IGF2R: variants seen among roughly 807,000 people sequenced by gnomAD.
IGF2R encodes cation-independent mannose-6-phosphate receptor.
A neutral mutation model predicts 270.6 loss-of-function variants in IGF2R; 91 were observed. The observed-to-expected ratio is 0.34, with a 90% CI of 0.28 to 0.40. The LOEUF (loss-of-function observed/expected upper bound fraction) is 0.40, where lower values mean the gene tolerates loss of function less well. Ranked by LOEUF, IGF2R falls within the 10% of genes least tolerant of loss-of-function variation. The probability of loss-of-function intolerance (pLI) is 1.00; values close to 1 mark genes in which losing one functional copy is unlikely to be tolerated. For missense variants in IGF2R, 2,805 were observed against 3,188.3 expected (o/e 0.88, Z 2.90); for synonymous variants, 1,316 against 1,258.9 (o/e 1.05, Z -0.96).
chr6:160,062,168 A>ATTTTTTTT (rs34356477), intron 25 of IGF2R, among the ~76,000 whole-genome samples: 3 of 106,616 alleles, frequency 2.8e-5, no homozygotes, highest in African/African-American at 3.7e-5. Flanking sequence ...CATTTATTTA[A>ATTTTTTTT]TTTTTTTTTT....
intron 1 of IGF2R, among the ~76,000 whole-genome samples, chr6:159,990,353 G>C (rs566226260): frequency 6.6e-6 from 1 of 152,122 alleles, no homozygotes; most frequent in South Asian, 2.1e-4. Context: ...TGCTGTTCTC[G>C]TGGTCATGAG....
At chr6:160,097,626 G>A (rs1416489944) in intron 45 of IGF2R, among the ~76,000 whole-genome samples, 1 of 152,172 alleles carries the variant, frequency 6.6e-6, no homozygotes, top group Non-Finnish European at 1.5e-5. Flanking sequence ...TGCCATGCCC[G>A]GCCTGGCCCA....
intron 1 of IGF2R, among the ~76,000 whole-genome samples, chr6:159,990,627 T>C (rs543038943): frequency 2.0e-5 from 3 of 152,134 alleles, no homozygotes; most frequent in African/African-American, 7.2e-5. Context: ...TGGTAAGATA[T>C]TTCTTTTTTT....
chr6:160,109,823 C>T lies in IGF2R; in HGVS notation c.*4739C>T, dbSNP rs933034739. 6.6e-6 allele frequency: 1 copy of T among 152,208 alleles called. No homozygotes were observed. The highest frequency in any genetic ancestry group is 1.5e-5 in the Non-Finnish European group (1 of 68,040). 9.4% of individuals were successfully genotyped at this position (152,208 alleles called of 1,614,324 possible). A position where few individuals can be genotyped will look rare whatever the true frequency, so the allele number is the denominator to read the frequency against. On this transcript the variant is annotated 3_prime_UTR_variant, in exon 48 of 48. Coordinates refer to ENST00000356956, the MANE Select transcript of IGF2R (RefSeq NM_000876.4). ...TGCCCCACCCAGCGGCTTTAGGACT[C>T]AGCTCTTCAGGAACAATTAGGGAGA...
rs138144909 is a variant in IGF2R, at chr6:160,063,532, G to A, written c.3788G>A (p.Gly1263Glu). The A allele has an allele frequency of 1.1e-4, 176 of 1,614,212 alleles. No homozygotes were observed. Among genetic ancestry groups the A allele is most frequent in the Non-Finnish European group, 1.4e-4 (161 of 1,180,038 alleles). The change falls in exon 27 of 48, where the codon GGG becomes GAG. Residue 1263 changes from glycine (G) to glutamate (E), a missense_variant. Around this residue, in one of 2 missense-constraint regions of IGF2R, gnomAD observed 1,851 missense variants for 2,207.2 expected, o/e 0.84. Transcript: ENST00000356956. ...TACACTTATTACTTCCGGGTCTGTG[G>A]GAAGCTTTCCTCAGACGTCTGCCCC... ...GEYTYYFRVC[G>E]KLSSDVCPTS...
chr6:160,105,037 CT>C lies in IGF2R; in HGVS notation c.7430del (p.Leu2477ArgfsTer60). On this transcript the variant is annotated frameshift_variant, in exon 48 of 48. Coordinates refer to ENST00000356956, the MANE Select transcript of IGF2R (RefSeq NM_000876.4). LOFTEE classifies it high-confidence loss of function. ...AQQKTVSSTK[L>X]VSFHDDSDED... ...GCAGAAGACAGTGAGCTCCACCAAG[CT>C]GGTGTCCTTCCATGACGACAGCGAC... is the stretch of plus-strand genomic sequence containing the variant. 6.2e-7 allele frequency: 1 copy of C among 1,611,050 alleles called. No individual in the cohort carries two copies. Among genetic ancestry groups the C allele is most frequent in the South Asian group, 1.1e-5 (1 of 90,696 alleles).
chr6:159,999,748 C>G (rs900524867), intron 2 of IGF2R, among the ~76,000 whole-genome samples: 1 of 152,158 alleles, frequency 6.6e-6, no homozygotes, highest in Non-Finnish European at 1.5e-5. Flanking sequence ...TAGCTATTGT[C>G]TCTTACGAAA....
At chr6:160,037,285 C>G (rs1041601491) in intron 10 of IGF2R, among the ~76,000 whole-genome samples, 9 of 152,182 alleles carry the variant, frequency 5.9e-5, no homozygotes, top group Non-Finnish European at 8.8e-5. Flanking sequence ...TGAGCTGGCT[C>G]TCAGGCAGGA....
chr6:160,026,701 C>T (rs1416720397), intron 5 of IGF2R, among the ~76,000 whole-genome samples: 1 of 152,318 alleles, frequency 6.6e-6, no homozygotes, highest in East Asian at 1.9e-4. Flanking sequence ...CATCTTTAAT[C>T]CTCCACCAAA....
chr6:160,048,487 G>C lies in IGF2R; in HGVS notation c.2458G>C (p.Val820Leu), dbSNP rs1312101321. The C allele has an allele frequency of 6.2e-7, 1 of 1,614,218 alleles. No homozygotes were observed. Among genetic ancestry groups the C allele is most frequent in the South Asian group, 1.1e-5 (1 of 91,082 alleles). The part of the protein sequence containing the change: ...YINVCRPLNP[V>L]PGCNRYASAC... ...TAACGTGTGTCGGCCTCTGAATCCA[G>C]TGCCGGGCTGCAACCGATATGCATC... Residue 820 changes from valine (V) to leucine (L), a missense_variant, in exon 18 of 48, where the codon GTG becomes CTG. Around this residue, in one of 2 missense-constraint regions of IGF2R, gnomAD observed 1,851 missense variants for 2,207.2 expected, o/e 0.84. Coordinates refer to ENST00000356956, the MANE Select transcript of IGF2R (RefSeq NM_000876.4).
chr6:160,029,513 C>T (rs1387741185), intron 6 of IGF2R, 37 bp from the exon 7 acceptor site: 2 of 1,392,932 alleles, frequency 1.4e-6, no homozygotes, highest in Admixed American at 1.7e-5. Context: ...GTACTTTATA[C>T]TTTTGTAATA....
At chr6:159,981,634 T>C (rs554386997) in intron 1 of IGF2R, among the ~76,000 whole-genome samples, 1 of 152,318 alleles carries the variant, frequency 6.6e-6, no homozygotes, top group African/African-American at 2.4e-5. Flanking sequence ...CCTTGTAGGC[T>C]AGCTGAGTTT....
intron 41 of IGF2R, among the ~76,000 whole-genome samples, chr6:160,085,369 C>T (rs938130975): frequency 3.9e-5 from 6 of 152,176 alleles, no homozygotes; most frequent in East Asian, 1.9e-4. Flanking sequence ...TGGGCTATCT[C>T]GGGGAAGTGC....
intron 7 of IGF2R, among the ~76,000 whole-genome samples, chr6:160,031,661 G>A (rs958578591): frequency 2.0e-5 from 3 of 152,266 alleles, no homozygotes; most frequent in African/African-American, 7.2e-5. Flanking sequence ...GTGGGCAGAA[G>A]CATCGATTAT....
At chr6:160,067,422 A>G (rs1270280161) in intron 29 of IGF2R, among the ~76,000 whole-genome samples, 1 of 151,558 alleles carries the variant, frequency 6.6e-6, no homozygotes, top group Non-Finnish European at 1.5e-5. Context: ...TCTTACTTCC[A>G]TCAAATACAG....
chr6:160,055,302 G>A (rs565552850), intron 19 of IGF2R, among the ~76,000 whole-genome samples: 11 of 152,184 alleles, frequency 7.2e-5, no homozygotes, highest in African/African-American at 2.7e-4. Context: ...TGAGACACTG[G>A]GTAGTTCCAG....
At chr6:160,035,824 G>C (rs1191225379) in intron 10 of IGF2R, among the ~76,000 whole-genome samples, 1 of 152,144 alleles carries the variant, frequency 6.6e-6, no homozygotes, top group African/African-American at 2.4e-5. Context: ...TAGTGTTGTC[G>C]CTCCGCTGCT....
chr6:160,031,518 C>T (rs1777695985), intron 7 of IGF2R, among the ~76,000 whole-genome samples: 1 of 152,104 alleles, frequency 6.6e-6, no homozygotes, highest in Non-Finnish European at 1.5e-5. Flanking sequence ...CCACCTTCTT[C>T]CTGTCTCTGT....
intron 1 of IGF2R, among the ~76,000 whole-genome samples, chr6:159,974,277 TC>T (rs144792480): frequency 0.031 from 4,771 of 152,304 alleles, 97 homozygotes; most frequent in Non-Finnish European, 0.047. Context: ...TTTATTGGAA[TC>T]CTGGATGATG....
Sources: allele counts gnomAD v4.1 joint callset (sites outside exome capture counted in the v4.1 genomes callset), GRCh38; gene constraint gnomAD v4.1.1; regional missense constraint gnomAD v4.1.1; transcripts MANE v1.5; gene names NCBI Gene and HGNC (gene_info 2026-07-23, HGNC 2026-07-21).